The following ZDHHC2 variants were observed in gnomAD, a reference collection of about 807,000 sequenced individuals.
ZDHHC2 encodes zDHHC palmitoyltransferase 2, also known as palmitoyltransferase ZDHHC2.
In ZDHHC2, 51 loss-of-function variants were observed where a neutral mutation model predicts 55.6. The observed-to-expected ratio is 0.92, with a 90% CI of 0.73 to 1.16. ZDHHC2 has a LOEUF of 1.16. Ranked by LOEUF, ZDHHC2 falls within the 50% of genes most tolerant of loss-of-function variation. The pLI is 0.00. For synonymous variants in ZDHHC2, 199 were observed against 152.9 expected, an observed-to-expected ratio of 1.30 and a Z score of -2.22; for missense variants, 491 against 442.4, an observed-to-expected ratio of 1.11 and a Z score of -0.99.
At chr8:17,166,463 A>T (rs1220411623) in intron 1 of ZDHHC2, among the ~76,000 whole-genome samples, 3 of 152,190 alleles carry the variant, frequency 2.0e-5, no homozygotes, top group Non-Finnish European at 4.4e-5. Context: ...TGAAATAGAG[A>T]TGCTGAGTAA....
intron 1 of ZDHHC2, among the ~76,000 whole-genome samples, chr8:17,172,140 T>C (rs1000719242): frequency 2.6e-5 from 4 of 152,198 alleles, no homozygotes; most frequent in Admixed American, 2.6e-4. Flanking sequence ...TTTACTTTCC[T>C]GTATCCATTT....
rs1807991611 is a variant in ZDHHC2 at position 17,223,190 on chromosome 8, T to A, written c.*2969T>A. ...CGGCTGATTCTGAAATTGTACTGTA[T>A]CATTTGGTATTTACTTATATGGTCA... On this transcript the variant is annotated 3_prime_UTR_variant, in exon 13 of 13. Transcript: ENST00000262096. 1.3e-5 allele frequency: 2 copies of A among 151,908 alleles called. No homozygotes were observed. The highest frequency in any genetic ancestry group is 1.3e-4 in the Admixed American group (2 of 15,222). The allele number at this position is 151,908 out of a possible 1,614,324, so 9.4% of individuals were successfully genotyped here.
At position 17,189,172 on chromosome 8, in the gene ZDHHC2, C is replaced by T. The variant is rs115214182; in HGVS notation, c.252+2747C>T. ...GGCCTCCTCTTGTGTATTTTCAACACAGTAGCCAAAGTGATCCTTTCAAAA... is the reference window on the plus strand; with the variant it reads ...GGCCTCCTCTTGTGTATTTTCAACATAGTAGCCAAAGTGATCCTTTCAAAA... On this transcript the variant is annotated intron_variant, in intron 3 of 12. Transcript: ENST00000262096. Among the ~76,000 whole-genome samples the T allele has an allele frequency of 5.6e-3, 745 of 133,066 alleles. 10 individuals carry two copies. The highest frequency in any genetic ancestry group is 0.019 in the African/African-American group (678 of 35,656). 87.3% of individuals were successfully genotyped at this position (133,066 alleles called of 152,430 possible). A position where few individuals can be genotyped will look rare whatever the true frequency, so the allele number is the denominator to read the frequency against.
rs1380823937 is a variant in ZDHHC2 at position 17,157,042 on chromosome 8, C to T, written c.130+189C>T. On this transcript the variant is annotated intron_variant, in intron 1 of 12. Transcript: ENST00000262096. Reference sequence around the variant, plus strand: ...TTCTTCCACGCGCACGCCCCTCGCCCTCCCCTCCCAACTCTCGGGTTAAGG... The same window carrying T: ...TTCTTCCACGCGCACGCCCCTCGCCTTCCCCTCCCAACTCTCGGGTTAAGG... 4.6e-5 allele frequency among the ~76,000 whole-genome samples: 7 copies of T among 152,224 alleles called. No homozygotes were observed. In the South Asian group the frequency reaches 1.4e-3, roughly 31 times the overall value.
chr8:17,207,342 G>C (rs1053907716), intron 7 of ZDHHC2, among the ~76,000 whole-genome samples: 1 of 152,178 alleles, frequency 6.6e-6, no homozygotes, highest in African/African-American at 2.4e-5. Context: ...TTTTCTTTGA[G>C]ATGGACTGTT....
chr8:17,213,555 A>T (rs1349154444), intron 10 of ZDHHC2, among the ~76,000 whole-genome samples: 3 of 151,972 alleles, frequency 2.0e-5, no homozygotes, highest in Non-Finnish European at 4.4e-5. Flanking sequence ...GCCCAGCCTG[A>T]TTTTTTTGAT....
chr8:17,181,652 T>G (rs1382591747), intron 1 of ZDHHC2, among the ~76,000 whole-genome samples: 1 of 152,170 alleles, frequency 6.6e-6, no homozygotes, highest in Admixed American at 6.5e-5. Context: ...AGTAAGAAAA[T>G]TAAATAATCC....
At chr8:17,205,915 CTTTA>C (rs1328530697) in intron 7 of ZDHHC2, 140 bp downstream of exon 7, 4 of 814,568 alleles carry the variant, frequency 4.9e-6, no homozygotes, top group African/African-American at 1.8e-5. Context: ...TTCGCAGATT[CTTTA>C]TTTGTTAATT....
At chr8:17,169,763 T>C (rs1804765270) in intron 1 of ZDHHC2, among the ~76,000 whole-genome samples, 2 of 152,254 alleles carry the variant, frequency 1.3e-5, no homozygotes, top group Admixed American at 6.5e-5. Context: ...AGGGGAGAGA[T>C]ACAGGCGGGA....
At chr8:17,207,704 A>G (rs1031323890) in intron 7 of ZDHHC2, among the ~76,000 whole-genome samples, 3 of 151,942 alleles carry the variant, frequency 2.0e-5, no homozygotes, top group Non-Finnish European at 2.9e-5. Flanking sequence ...TAAATTTTCT[A>G]TGATTTGGTT....
At position 17,199,493 on chromosome 8, in the gene ZDHHC2, C is replaced by CG. The variant is rs1259861338; in HGVS notation, c.476+1080_476+1081insG. On this transcript the variant is annotated intron_variant, in intron 6 of 12. Transcript: ENST00000262096. ...TCTTCTTCTTCTTCTTCTTCTTCTT[C>CG]TTCTTCTTCTTCTTCTTCTTCGTCT... Among the ~76,000 whole-genome samples the CG allele has an allele frequency of 1.1e-3, 42 of 37,342 alleles. 2 individuals are homozygous for CG. The highest frequency in any genetic ancestry group is 2.2e-3 in the Admixed American group (7 of 3,248). The allele number at this position is 37,342 out of a possible 152,430, so 24.5% of individuals were successfully genotyped here.
rs1451849144 is a variant in ZDHHC2 at position 17,224,690 on chromosome 8, CTCAGTTA to C, written c.*4471_*4477del. 1.3e-5 allele frequency: 2 copies of C among 151,498 alleles called. No individual in the cohort carries two copies. Among genetic ancestry groups the C allele is most frequent in the African/African-American group, 4.8e-5 (2 of 41,318 alleles). The allele number at this position is 151,498 out of a possible 1,614,324, so 9.4% of individuals were successfully genotyped here. A position where few individuals can be genotyped will look rare whatever the true frequency, so the allele number is the denominator to read the frequency against. On this transcript the variant is annotated 3_prime_UTR_variant, in exon 13 of 13. Coordinates refer to ENST00000262096, the MANE Select transcript of ZDHHC2 (RefSeq NM_016353.5). ...GCGTCAGTTCTCCTGTTGTATTTTTCTCAGTTATGAGAGCAAGGCTATTTTGTCAGTT... is the reference window on the plus strand; with the variant it reads ...GCGTCAGTTCTCCTGTTGTATTTTTCTGAGAGCAAGGCTATTTTGTCAGTT...
At chr8:17,207,757 A>G (rs1222736449) in intron 7 of ZDHHC2, among the ~76,000 whole-genome samples, 2 of 152,054 alleles carry the variant, frequency 1.3e-5, no homozygotes, top group Admixed American at 6.6e-5. Flanking sequence ...TATCATTTTC[A>G]TATATATTCA....
chr8:17,199,612 C>CTTCTTCTTCTTCTT (rs773068731), intron 6 of ZDHHC2, among the ~76,000 whole-genome samples: 1 of 68,828 alleles, frequency 1.5e-5, no homozygotes, highest in African/African-American at 4.1e-5. Flanking sequence ...ATTCTTTCTT[C>CTTCTTCTTCTTCTT]TTCTTCTTCT....
chr8:17,210,283 T>G (rs1485761789), intron 9 of ZDHHC2, 105 bp from the exon 10 acceptor site: 2 of 1,198,716 alleles, frequency 1.7e-6, no homozygotes, highest in Non-Finnish European at 2.3e-6. Flanking sequence ...ACATTTTTTT[T>G]GCCTAGAGTA....
chr8:17,188,485 C>A (rs1241827583), intron 3 of ZDHHC2, among the ~76,000 whole-genome samples: 1 of 152,168 alleles, frequency 6.6e-6, no homozygotes, highest in East Asian at 1.9e-4. Context: ...AATATTCTTA[C>A]CCCTTTCTCA....
At chr8:17,173,415 C>T (rs993997490) in intron 1 of ZDHHC2, among the ~76,000 whole-genome samples, 5 of 152,154 alleles carry the variant, frequency 3.3e-5, no homozygotes, top group South Asian at 2.1e-4. Context: ...GTGGCTCATG[C>T]CTGTCATCCC....
At chr8:17,189,162 A>G (rs1231541293) in intron 3 of ZDHHC2, among the ~76,000 whole-genome samples, 5 of 54,296 alleles carry the variant, frequency 9.2e-5, no homozygotes, top group African/African-American at 3.8e-4. Context: ...CCTCTTGTGT[A>G]TTTTCAACAC....
chr8:17,205,696 T>C lies in ZDHHC2; in HGVS notation c.518T>C (p.Leu173Pro), dbSNP rs1224608532. 6.2e-7 allele frequency: 1 copy of C among 1,608,746 alleles called. No individual in the cohort carries two copies. Among genetic ancestry groups the C allele is most frequent in the Non-Finnish European group, 8.5e-7 (1 of 1,178,524 alleles). The change falls in exon 7 of 13, where the codon CTC becomes CCC. Residue 173 changes from leucine (L) to proline (P), a missense_variant. By Grantham distance (98) the Leu-to-Pro change is moderately conservative. Transcript: ENST00000262096. Reference sequence around the variant, plus strand: ...GGATTTTCAAATTATAAGTTCTTTCTCCTTTTCTTGGCTTATTCTCTGCTC... The same window carrying C: ...GGATTTTCAAATTATAAGTTCTTTCCCCTTTTCTTGGCTTATTCTCTGCTC... ...CVGFSNYKFFLLFLAYSLLYC... is the reference protein window; with the variant it reads ...CVGFSNYKFFPLFLAYSLLYC...
Sources: gnomAD v4.1 joint callset for allele counts (sites outside exome capture counted in the v4.1 genomes callset) on GRCh38, gnomAD v4.1.1 for gene constraint, MANE v1.5 for transcripts, NCBI Gene and HGNC (gene_info 2026-07-23, HGNC 2026-07-21) for gene names.